The following DSCAM variants were observed in gnomAD, a reference collection of about 807,000 sequenced individuals.
The protein encoded by DSCAM is DS cell adhesion molecule.
Under a neutral mutation model 217.7 loss-of-function variants are expected in DSCAM, and 47 were observed. The ratio of observed to expected loss-of-function variants is 0.22; its 90% CI spans 0.17 to 0.28. DSCAM has a LOEUF of 0.28. Ranked by LOEUF, DSCAM falls within the 10% of genes least tolerant of loss-of-function variation. The pLI is 1.00. For missense variants in DSCAM, 2,080 were observed against 2,618.3 expected (o/e 0.79, Z 4.49); for synonymous variants, 1,056 against 1,015.3 (o/e 1.04, Z -0.76).
chr21:40,306,076 A>AT lies in DSCAM; in HGVS notation c.2062+6004dup, dbSNP rs1391347115. Among the ~76,000 whole-genome samples, 28 of 152,090 alleles carry AT rather than the reference A, an allele frequency of 1.8e-4. No individual in the cohort carries two copies. In the East Asian group the frequency reaches 5.4e-3, roughly 29 times the overall value. On this transcript the variant is annotated intron_variant, in intron 9 of 32. Transcript: ENST00000400454. ...ATATTGATTCTTCCTACCCATGAGC[A>AT]TGGAATGTTCTTCCATTTGTTTGTA...
intron 20 of DSCAM, among the ~76,000 whole-genome samples, chr21:40,094,377 T>C (rs1462174658): frequency 6.6e-6 from 1 of 152,024 alleles, no homozygotes; most frequent in Non-Finnish European, 1.5e-5. Context: ...ACTCGGGAGG[T>C]TGGCAGCCTT....
intron 3 of DSCAM, among the ~76,000 whole-genome samples, chr21:40,496,773 G>A (rs1022138480): frequency 6.6e-6 from 1 of 152,022 alleles, no homozygotes; most frequent in Non-Finnish European, 1.5e-5. Flanking sequence ...AAAGATATAA[G>A]GAATGCAAAC....
intron 3 of DSCAM, among the ~76,000 whole-genome samples, chr21:40,663,128 G>A (rs1448047941): frequency 1.0e-5 from 1 of 96,906 alleles, no homozygotes; most frequent in Non-Finnish European, 2.4e-5. Context: ...TGTATGTCAT[G>A]TGGTGTGTGC....
At chr21:40,575,334 T>A (rs2076841038) in intron 3 of DSCAM, among the ~76,000 whole-genome samples, 1 of 152,128 alleles carries the variant, frequency 6.6e-6, no homozygotes, top group Non-Finnish European at 1.5e-5. Flanking sequence ...TCAGCCCACC[T>A]GCACCCAGGT....
At chr21:40,087,366 G>C in intron 21 of DSCAM, 79 bp from the exon 22 acceptor site, 1 of 1,029,068 alleles carries the variant, frequency 9.7e-7, no homozygotes, top group Non-Finnish European at 1.5e-6. Flanking sequence ...TACTCAATAA[G>C]GGCAATACCT....
At chr21:40,769,587 T>A (rs4818171) in intron 1 of DSCAM, among the ~76,000 whole-genome samples, 39,123 of 152,130 alleles carry the variant, frequency 0.26, 6,017 homozygotes, top group South Asian at 0.34. Flanking sequence ...TCATAGCATC[T>A]GCCAAGAGTC....
chr21:40,430,285 A>G (rs1292633225), intron 3 of DSCAM, among the ~76,000 whole-genome samples: 3 of 152,212 alleles, frequency 2.0e-5, no homozygotes, highest in African/African-American at 7.2e-5. Context: ...TGAAGGATAC[A>G]AAGTATTGAT....
intron 1 of DSCAM, among the ~76,000 whole-genome samples, chr21:40,738,522 G>A (rs2091087933): frequency 6.6e-6 from 1 of 152,126 alleles, no homozygotes; most frequent in Admixed American, 6.5e-5. Flanking sequence ...CATGATTGGT[G>A]GGTGCCCTTC....
intron 11 of DSCAM, among the ~76,000 whole-genome samples, chr21:40,216,590 T>A (rs542921280): frequency 2.0e-5 from 3 of 152,280 alleles, no homozygotes; most frequent in Admixed American, 2.0e-4. Context: ...AAAACCAAAG[T>A]GAGAACTGTG....
At chr21:40,587,091 A>G (rs999647388) in intron 3 of DSCAM, among the ~76,000 whole-genome samples, 1 of 117,310 alleles carries the variant, frequency 8.5e-6, no homozygotes, top group African/African-American at 2.7e-5. Flanking sequence ...ATCAACAAAC[A>G]TACAAAAAAG....
intron 32 of DSCAM, among the ~76,000 whole-genome samples, chr21:40,030,363 G>A (rs1388842407): frequency 6.6e-6 from 1 of 152,156 alleles, no homozygotes; most frequent in Non-Finnish European, 1.5e-5. Flanking sequence ...ACTGTGGTGA[G>A]TGCTGGGTGG....
chr21:40,832,739 GC>G (rs1049883235), intron 1 of DSCAM, among the ~76,000 whole-genome samples: 16 of 152,280 alleles, frequency 1.1e-4, no homozygotes, highest in African/African-American at 3.8e-4. Context: ...GTGATAGGGT[GC>G]AAGGAAAAAT....
chr21:40,534,814 C>G (rs949895740), intron 3 of DSCAM, among the ~76,000 whole-genome samples: 31 of 152,186 alleles, frequency 2.0e-4, no homozygotes, highest in South Asian at 1.0e-3. Context: ...AATCTATTAT[C>G]AATTATCCTC....
Position 40,075,231 on chromosome 21 carries a change from G to A in DSCAM, c.4712-18C>T. 1 of 1,613,664 alleles carries A rather than the reference G, an allele frequency of 6.2e-7. No individual in the cohort carries two copies. On this transcript the variant is annotated intron_variant, in intron 26 of 32. Coordinates refer to ENST00000400454, the MANE Select transcript of DSCAM (RefSeq NM_001389.5). ...AATTGTACCTGAAAGCAGGGCCACG[G>A]TGTTAGATGGCTATTAATGAAGACG...
At chr21:40,313,610 T>G (rs2074164489) in intron 8 of DSCAM, among the ~76,000 whole-genome samples, 1 of 152,204 alleles carries the variant, frequency 6.6e-6, no homozygotes, top group African/African-American at 2.4e-5. Flanking sequence ...CCTTACGGAT[T>G]AGTTATTTAT....
intron 15 of DSCAM, among the ~76,000 whole-genome samples, chr21:40,177,347 A>G (rs1335485197): frequency 6.6e-6 from 1 of 152,188 alleles, no homozygotes; most frequent in Non-Finnish European, 1.5e-5. Flanking sequence ...CATTTTGCAG[A>G]TGAGAAATCA....
intron 3 of DSCAM, among the ~76,000 whole-genome samples, chr21:40,412,473 G>T (rs1022742528): frequency 1.3e-5 from 2 of 152,232 alleles, no homozygotes; most frequent in African/African-American, 4.8e-5. Context: ...TGAGGAACTT[G>T]TTGGGAACTG....
At chr21:40,570,428 C>T (rs572972858) in intron 3 of DSCAM, among the ~76,000 whole-genome samples, 2 of 152,352 alleles carry the variant, frequency 1.3e-5, no homozygotes, top group African/African-American at 4.8e-5. Context: ...AGGAGCATGT[C>T]CTTCCTGCAA....
chr21:40,242,931 C>T (rs1231344358), intron 11 of DSCAM, among the ~76,000 whole-genome samples: 1 of 152,216 alleles, frequency 6.6e-6, no homozygotes, highest in East Asian at 1.9e-4. Context: ...CTTCCAGCCA[C>T]GACCAGGTCC....
Sources: allele counts gnomAD v4.1 joint callset (sites outside exome capture counted in the v4.1 genomes callset), GRCh38; gene constraint gnomAD v4.1.1; transcripts MANE v1.5; gene names NCBI Gene and HGNC (gene_info 2026-07-23, HGNC 2026-07-21).